The following TFEC variants were observed in gnomAD, a reference collection of about 807,000 sequenced individuals.
TFEC encodes transcription factor EC.
In TFEC, 31 loss-of-function variants were observed where a neutral mutation model predicts 41.6. The observed-to-expected ratio is 0.74, with a 90% CI of 0.56 to 1.01. The LOEUF (loss-of-function observed/expected upper bound fraction) is 1.01, where lower values mean the gene tolerates loss of function less well. Among genes scored for constraint, TFEC ranks in the 50% least tolerant of loss-of-function variants. The probability of loss-of-function intolerance (pLI) is 0.00; values close to 1 mark genes in which losing one functional copy is unlikely to be tolerated. For missense variants in TFEC, 402 were observed against 404.1 expected, an observed-to-expected ratio of 0.99 and a Z score of 0.04; for synonymous variants, 143 against 140.6, an observed-to-expected ratio of 1.02 and a Z score of -0.12.
At chr7:115,958,008 A>C (rs1792326002) in intron 3 of TFEC, among the ~76,000 whole-genome samples, 1 of 151,952 alleles carries the variant, frequency 6.6e-6, no homozygotes, top group African/African-American at 2.4e-5. Context: ...CATATCAATA[A>C]GGACATTTTA....
rs1793428492 is a variant in TFEC at position 115,940,424 on chromosome 7, T to C, written c.*127A>G. 3.8e-6 allele frequency: 4 copies of C among 1,043,960 alleles called. No homozygotes were observed. The highest frequency in any genetic ancestry group is 4.2e-5 in the South Asian group (2 of 47,244). The allele number at this position is 1,043,960 out of a possible 1,614,324, so 64.7% of individuals were successfully genotyped here. Reference sequence around the variant, plus strand: ...CGAATTCTTCTGTTGCTTCTATCAGTTTTTCATGAACAACACATTCCTTTA... The same window carrying C: ...CGAATTCTTCTGTTGCTTCTATCAGCTTTTCATGAACAACACATTCCTTTA... On this transcript the variant is annotated 3_prime_UTR_variant, in exon 8 of 8. Coordinates refer to ENST00000265440, the MANE Select transcript of TFEC (RefSeq NM_012252.4).
intron 6 of TFEC, among the ~76,000 whole-genome samples, chr7:115,944,736 T>G (rs1183188290): frequency 6.6e-6 from 1 of 151,386 alleles, no homozygotes; most frequent in African/African-American, 2.4e-5. Flanking sequence ...CCAGGTTTCC[T>G]CTCTCAATTC....
chr7:116,158,084 A>C (rs1584584914), intron 1 of TFEC, among the ~76,000 whole-genome samples: 1 of 152,170 alleles, frequency 6.6e-6, no homozygotes, highest in African/African-American at 2.4e-5. Context: ...ATATGCATTG[A>C]ATTAAAATAA....
chr7:116,121,891 A>G (rs1049015605), intron 1 of TFEC, among the ~76,000 whole-genome samples: 2 of 152,048 alleles, frequency 1.3e-5, no homozygotes, highest in African/African-American at 4.8e-5. Context: ...TCAGTAAAAT[A>G]AAAAATTCAT....
chr7:116,066,383 T>A (rs181956294), intron 3 of TFEC, among the ~76,000 whole-genome samples: 13 of 152,258 alleles, frequency 8.5e-5, no homozygotes, highest in Non-Finnish European at 1.8e-4. Context: ...TCTAAGAGAT[T>A]AATCAACATT....
intron 1 of TFEC, among the ~76,000 whole-genome samples, chr7:116,019,060 T>G (rs1402041338): frequency 6.7e-6 from 1 of 148,718 alleles, no homozygotes; most frequent in African/African-American, 2.5e-5. Flanking sequence ...GGCCAAAGAG[T>G]GAGGAAAAAA....
At chr7:115,976,196 T>C (rs1480838726) in intron 2 of TFEC, among the ~76,000 whole-genome samples, 1 of 152,012 alleles carries the variant, frequency 6.6e-6, no homozygotes. Flanking sequence ...GCCTGAGGCA[T>C]GCAGATCACT....
intron 1 of TFEC, among the ~76,000 whole-genome samples, chr7:116,012,600 A>C (rs1000244877): frequency 6.6e-6 from 1 of 152,102 alleles, no homozygotes; most frequent in Non-Finnish European, 1.5e-5. Context: ...TGGGATAAAA[A>C]CCCAAAACTT....
At chr7:116,116,898 A>G (rs548253084) in intron 1 of TFEC, among the ~76,000 whole-genome samples, 1 of 152,000 alleles carries the variant, frequency 6.6e-6, no homozygotes, top group Non-Finnish European at 1.5e-5. Flanking sequence ...AAATCACTCA[A>G]TTTTATATTC....
intron 3 of TFEC, among the ~76,000 whole-genome samples, chr7:115,959,954 A>G (rs1348636539): frequency 6.6e-6 from 1 of 151,548 alleles, no homozygotes; most frequent in Non-Finnish European, 1.5e-5. Flanking sequence ...TAACGGAGAC[A>G]CATTTTTAAG....
chr7:116,131,123 T>C (rs1481877826), intron 1 of TFEC, among the ~76,000 whole-genome samples: 1 of 152,204 alleles, frequency 6.6e-6, no homozygotes, highest in Non-Finnish European at 1.5e-5. Flanking sequence ...TTGCCTTATG[T>C]GCAGCAAATT....
Position 115,984,224 on chromosome 7 carries a change from A to C in TFEC, c.180+38T>G, listed in dbSNP as rs775498627. Reference sequence around the variant, plus strand: ...TACTTTAATAGAGGTTTTTTCAAAAACTGATGATATATTTTTATAACCAGC... The same window carrying C: ...TACTTTAATAGAGGTTTTTTCAAAACCTGATGATATATTTTTATAACCAGC... On this transcript the variant is annotated intron_variant, in intron 2 of 7. Coordinates refer to ENST00000265440, the MANE Select transcript of TFEC (RefSeq NM_012252.4). 6.3e-6 allele frequency: 10 copies of C among 1,590,762 alleles called. No individual in the cohort carries two copies. The East Asian group carries it at 1.8e-4, about 29-fold the overall frequency.
At chr7:116,133,016 TA>T (rs1798363100) in intron 1 of TFEC, among the ~76,000 whole-genome samples, 1 of 152,236 alleles carries the variant, frequency 6.6e-6, no homozygotes, top group Non-Finnish European at 1.5e-5. Flanking sequence ...AAAACAGTTT[TA>T]AGACTACTTT....
At chr7:115,987,511 C>A (rs17242193) in intron 1 of TFEC, among the ~76,000 whole-genome samples, 20,830 of 152,168 alleles carry the variant, frequency 0.14, 1,921 homozygotes, top group Non-Finnish European at 0.21. Context: ...TTATTCAAGA[C>A]ACAGTGTTTG....
chr7:115,987,707 C>T (rs1231013411), intron 1 of TFEC, among the ~76,000 whole-genome samples: 3 of 151,858 alleles, frequency 2.0e-5, no homozygotes. Context: ...TTGTACATAG[C>T]CCAGAGAATG....
chr7:116,137,206 C>T (rs992393905), intron 1 of TFEC, among the ~76,000 whole-genome samples: 4 of 152,052 alleles, frequency 2.6e-5, no homozygotes, highest in African/African-American at 4.8e-5. Context: ...AGGTAAGAGA[C>T]TCATCATGTT....
chr7:116,113,168 G>A (rs1194327907), intron 1 of TFEC, among the ~76,000 whole-genome samples: 5 of 151,852 alleles, frequency 3.3e-5, no homozygotes, highest in African/African-American at 9.7e-5. Flanking sequence ...CTCCCCCACT[G>A]CCACAATAAG....
At chr7:116,035,311 C>T (rs765416430), upstream of TFEC, among the ~76,000 whole-genome samples, 11 of 151,904 alleles carry the variant, frequency 7.2e-5, no homozygotes, top group African/African-American at 1.2e-4. Flanking sequence ...TTACAATGTC[C>T]CCCTGCAGGA....
chr7:115,982,465 T>C (rs1793670800), intron 2 of TFEC, among the ~76,000 whole-genome samples: 1 of 152,154 alleles, frequency 6.6e-6, no homozygotes, highest in South Asian at 2.1e-4. Context: ...ACAGGGTATA[T>C]CCTAGCTATC....
Sources: gnomAD v4.1 joint callset for allele counts (sites outside exome capture counted in the v4.1 genomes callset) on GRCh38, gnomAD v4.1.1 for gene constraint, MANE v1.5 for transcripts, NCBI Gene and HGNC (gene_info 2026-07-23, HGNC 2026-07-21) for gene names.